Variants in ZNF804B observed in about 807,000 individuals in gnomAD.
The protein encoded by ZNF804B is zinc finger 804B.
ZNF804B carries 80 observed loss-of-function variants against 101.4 expected under a neutral mutation model. That is an observed-to-expected ratio of 0.79 (90% confidence interval 0.66 to 0.95). The LOEUF (loss-of-function observed/expected upper bound fraction) is 0.95. Among genes scored for constraint, ZNF804B ranks in the 40% least tolerant of loss-of-function variants. ZNF804B has a pLI of 0.00. For missense variants in ZNF804B, 1,673 were observed against 1,561.9 expected, an observed-to-expected ratio of 1.07 and a Z score of -1.20; for synonymous variants, 622 against 558.8, an observed-to-expected ratio of 1.11 and a Z score of -1.59.
chr7:89,035,919 ATAATATAT>A (rs1788919053), intron 1 of ZNF804B, among the ~76,000 whole-genome samples: 1 of 144,962 alleles, frequency 6.9e-6, no homozygotes, highest in African/African-American at 2.5e-5. Context: ...TATATTATAT[ATAATATAT>A]TAATATATTA....
At chr7:89,123,208 A>G (rs954124962) in intron 1 of ZNF804B, among the ~76,000 whole-genome samples, 7 of 151,526 alleles carry the variant, frequency 4.6e-5, no homozygotes, top group African/African-American at 9.7e-5. Flanking sequence ...TGTAGAAGGA[A>G]GGGAAGAAGG....
At chr7:89,099,979 A>G (rs1272440903) in intron 1 of ZNF804B, among the ~76,000 whole-genome samples, 1 of 152,190 alleles carries the variant, frequency 6.6e-6, no homozygotes, top group Non-Finnish European at 1.5e-5. Context: ...AAGAAGAGGT[A>G]AATCTCTAAG....
chr7:89,109,925 A>G (rs368779115), intron 1 of ZNF804B, among the ~76,000 whole-genome samples: 87 of 152,328 alleles, frequency 5.7e-4, no homozygotes, highest in African/African-American at 1.9e-3. Context: ...AATGCATTAT[A>G]TAACTATTTG....
chr7:89,033,745 G>T (rs192550857), intron 1 of ZNF804B, among the ~76,000 whole-genome samples: 15 of 151,416 alleles, frequency 9.9e-5, no homozygotes, highest in African/African-American at 3.7e-4. Flanking sequence ...AATATGAAAG[G>T]AAATATTGTT....
chr7:89,277,485 CTCCCCCCTCCCCCCT>C (rs1790005019), intron 2 of ZNF804B, among the ~76,000 whole-genome samples: 6 of 19,382 alleles, frequency 3.1e-4, no homozygotes, highest in African/African-American at 1.9e-3. Flanking sequence ...CCCCTCCCCC[CTCCCCCCTCCCCCCT>C]ACCCCCACCC....
intron 1 of ZNF804B, among the ~76,000 whole-genome samples, chr7:88,940,759 C>T: frequency 1.1e-5 from 1 of 89,646 alleles, no homozygotes; most frequent in East Asian, 3.4e-4. Context: ...CAAAGTGGGA[C>T]CCTATTTAAA....
At chr7:89,117,570 T>C (rs929846221) in intron 1 of ZNF804B, among the ~76,000 whole-genome samples, 2 of 152,178 alleles carry the variant, frequency 1.3e-5, no homozygotes, top group African/African-American at 2.4e-5. Flanking sequence ...TGATACCCAG[T>C]TGGATGAGTT....
intron 1 of ZNF804B, among the ~76,000 whole-genome samples, chr7:88,991,040 A>G (rs1267996449): frequency 2.0e-5 from 3 of 152,154 alleles, no homozygotes; most frequent in Non-Finnish European, 4.4e-5. Flanking sequence ...TCTTCTAGGA[A>G]TAGAAAAATT....
intron 2 of ZNF804B, among the ~76,000 whole-genome samples, chr7:89,238,916 G>A (rs1422400419): frequency 2.6e-5 from 4 of 152,156 alleles, no homozygotes; most frequent in Non-Finnish European, 4.4e-5. Flanking sequence ...AATTATTAAA[G>A]CTTCAGTTGT....
chr7:89,223,134 T>C (rs1789031202), intron 2 of ZNF804B, among the ~76,000 whole-genome samples: 1 of 151,862 alleles, frequency 6.6e-6, no homozygotes, highest in Non-Finnish European at 1.5e-5. Flanking sequence ...AATTTGGCTA[T>C]TTTTTGGCCT....
At chr7:89,240,347 T>C (rs985566203) in intron 2 of ZNF804B, among the ~76,000 whole-genome samples, 3 of 152,096 alleles carry the variant, frequency 2.0e-5, no homozygotes, top group African/African-American at 7.2e-5. Flanking sequence ...AGATTCCCTT[T>C]TGGTTATGTG....
At chr7:89,059,922 A>T (rs958805090) in intron 1 of ZNF804B, among the ~76,000 whole-genome samples, 2 of 152,054 alleles carry the variant, frequency 1.3e-5, no homozygotes, top group Non-Finnish European at 1.5e-5. Context: ...GAGAGAATGA[A>T]TACAGAAGGT....
At position 89,255,849 on chromosome 7, in the gene ZNF804B, TA is replaced by T. The variant is rs539104742; in HGVS notation, c.249+37561del. Reference sequence around the variant, plus strand: ...AACTAGTATTCAGACCATAAATCAGTAAAAAAAGATTCATAAAAGTGAGTAA... The same window carrying T: ...AACTAGTATTCAGACCATAAATCAGTAAAAAAGATTCATAAAAGTGAGTAA... On this transcript the variant is annotated intron_variant, in intron 2 of 3. Transcript: ENST00000333190. Among the ~76,000 whole-genome samples the T allele has an allele frequency of 3.8e-3, 575 of 151,980 alleles. 3 individuals carry two copies. Among genetic ancestry groups the T allele is most frequent in the African/African-American group, 0.013 (552 of 41,450 alleles).
chr7:88,980,694 T>A (rs147531722), intron 1 of ZNF804B, among the ~76,000 whole-genome samples: 2 of 151,978 alleles, frequency 1.3e-5, no homozygotes, highest in African/African-American at 2.4e-5. Context: ...CTGAACTCCA[T>A]GAAGCTGGGG....
intron 1 of ZNF804B, among the ~76,000 whole-genome samples, chr7:88,816,678 A>G (rs1311195639): frequency 2.1e-5 from 3 of 144,812 alleles, no homozygotes; most frequent in Admixed American, 1.4e-4. Flanking sequence ...CAAAACCACA[A>G]TGAGATACCA....
intron 1 of ZNF804B, among the ~76,000 whole-genome samples, chr7:89,189,554 G>A (rs548705855): frequency 9.2e-5 from 14 of 152,170 alleles, no homozygotes; most frequent in Middle Eastern, 3.4e-3. Flanking sequence ...AATCCTCATC[G>A]GTTTACAGAA....
intron 1 of ZNF804B, among the ~76,000 whole-genome samples, chr7:89,178,298 C>A (rs1788236724): frequency 2.5e-5 from 1 of 39,422 alleles, no homozygotes; most frequent in Non-Finnish European, 4.5e-5. Flanking sequence ...AGGATTTACT[C>A]CTGCCATTTT....
chr7:89,107,784 A>G (rs1790157866), intron 1 of ZNF804B, among the ~76,000 whole-genome samples: 1 of 152,164 alleles, frequency 6.6e-6, no homozygotes, highest in Non-Finnish European at 1.5e-5. Context: ...TACAAAAAGA[A>G]CAAGCTTAGA....
intron 1 of ZNF804B, among the ~76,000 whole-genome samples, chr7:88,807,507 A>G (rs1790709613): frequency 6.6e-6 from 1 of 152,188 alleles, no homozygotes; most frequent in African/African-American, 2.4e-5. Context: ...CTAAGAGGAG[A>G]GAATGTTGCT....
Sources: allele counts gnomAD v4.1 joint callset (sites outside exome capture counted in the v4.1 genomes callset), GRCh38; gene constraint gnomAD v4.1.1; transcripts MANE v1.5; gene names NCBI Gene and HGNC (gene_info 2026-07-23, HGNC 2026-07-21).